The following HERC2 variants were observed in gnomAD, a reference collection of about 807,000 sequenced individuals.
The protein encoded by HERC2 is E3 ubiquitin-protein ligase HERC2.
In HERC2, 102 loss-of-function variants were observed where a neutral mutation model predicts 537.7. That is an observed-to-expected ratio of 0.19 (90% CI 0.16 to 0.22). The LOEUF is 0.22. Among genes scored for constraint, HERC2 ranks in the 10% least tolerant of loss-of-function variants. HERC2 has a pLI of 1.00. For missense variants in HERC2, 4,236 were observed against 6,198.2 expected (o/e 0.68, Z 10.63); for synonymous variants, 2,224 against 2,466.2 (o/e 0.90, Z 2.91).
intron 70 of HERC2, among the ~76,000 whole-genome samples, chr15:28,147,451 T>C (rs1432563571): frequency 7.2e-6 from 1 of 139,696 alleles, no homozygotes; most frequent in Non-Finnish European, 1.6e-5. Flanking sequence ...CAACAGGCTA[T>C]ATATTTTATT....
Position 28,256,070 on chromosome 15 carries a change from G to A in HERC2, c.2746+19C>T, listed in dbSNP as rs775069543. 9 of 1,603,880 alleles carry A rather than the reference G, an allele frequency of 5.6e-6. No individual in the cohort carries two copies. Among genetic ancestry groups the A allele is most frequent in the Non-Finnish European group, 7.6e-6 (9 of 1,178,952 alleles). On this transcript the variant is annotated intron_variant, in intron 18 of 92. Coordinates refer to ENST00000261609, the MANE Select transcript of HERC2 (RefSeq NM_004667.6). ...AACACCCTGACCCATGCCCTCTCCT[G>A]TTCCTTCCCCAGGCCCACCTGCGCA...
At chr15:28,296,101 G>A (rs960786627) in intron 3 of HERC2, among the ~76,000 whole-genome samples, 10 of 152,034 alleles carry the variant, frequency 6.6e-5, no homozygotes, top group Admixed American at 3.3e-4. Context: ...CTAACACCCC[G>A]AATCAGTTGG....
chr15:28,162,970 C>T lies in HERC2; in HGVS notation c.10746+124G>A, dbSNP rs191369623. 8.4e-5 allele frequency: 65 copies of T among 773,136 alleles called. No homozygotes were observed. The African/African-American group carries it at 9.3e-4, about 11-fold the overall frequency. The allele number at this position is 773,136 out of a possible 1,614,324, so 47.9% of individuals were successfully genotyped here. A position where few individuals can be genotyped will look rare whatever the true frequency, so the allele number is the denominator to read the frequency against. The stretch of plus-strand genomic sequence containing the variant: ...GCTCTAAAGGAGTGCTCCTAACCTG[C>T]AGTCTACTAGGATGAAACCCAGCAC... On this transcript the variant is annotated intron_variant, in intron 69 of 92. Transcript: ENST00000261609.
In HERC2 at chr15:28,319,387, C is replaced by T. The variant is rs1434444889; in HGVS notation, c.72+1975G>A. Among the ~76,000 whole-genome samples, 36 of 151,390 alleles carry T rather than the reference C, an allele frequency of 2.4e-4. No homozygotes were observed. The South Asian group carries it at 7.1e-3, about 30-fold the overall frequency. ...GATCGCTTTGAGGTCAGGAGACCAG[C>T]CAGGCCAACACAGTGAAACCCCATC... is the stretch of plus-strand genomic sequence containing the variant. On this transcript the variant is annotated intron_variant, in intron 2 of 92. Coordinates refer to ENST00000261609, the MANE Select transcript of HERC2 (RefSeq NM_004667.6).
chr15:28,301,142 C>T (rs1280014343), intron 2 of HERC2, among the ~76,000 whole-genome samples: 6 of 151,870 alleles, frequency 4.0e-5, no homozygotes, highest in Middle Eastern at 3.4e-3. Flanking sequence ...TGGCCAGGTG[C>T]GGTGGCTCAC....
chr15:28,238,663 G>A lies in HERC2; in HGVS notation c.3687C>T (p.Asp1229=), dbSNP rs149204675. ...AGTCCTTTATATCATACACCTTCCC[G>A]TCAATCACAGTCCAGAAGCCTCCAT... ...NKDGGFWTVI[D]GKVYDIKDFQ... is the part of the protein sequence containing the mutation. Residue 1229 remains aspartate, a synonymous_variant, in exon 24 of 93, where the codon GAC becomes GAT. Coordinates refer to ENST00000261609, the MANE Select transcript of HERC2 (RefSeq NM_004667.6). 3.1e-3 allele frequency: 4,973 copies of A among 1,611,184 alleles called. 16 individuals are homozygous for A. Among genetic ancestry groups the A allele is most frequent in the South Asian group, 5.0e-3 (457 of 90,964 alleles).
chr15:28,254,187 G>A (rs1388599349), intron 20 of HERC2, among the ~76,000 whole-genome samples, 153 bp downstream of exon 20: 1 of 152,172 alleles, frequency 6.6e-6, no homozygotes, highest in African/African-American at 2.4e-5. Context: ...AGAGGCTGAG[G>A]CAAGAGAATC....
At chr15:28,301,731 A>ATT (rs2076632506) in intron 2 of HERC2, among the ~76,000 whole-genome samples, 1 of 21,566 alleles carries the variant, frequency 4.6e-5, no homozygotes. Flanking sequence ...AGTTGTATGT[A>ATT]TGTGTATATA....
chr15:28,297,831 A>T (rs1418929183), intron 3 of HERC2, among the ~76,000 whole-genome samples: 1 of 148,978 alleles, frequency 6.7e-6, no homozygotes, highest in Non-Finnish European at 1.5e-5. Context: ...ATTATATACA[A>T]ATTTTACCTG....
intron 12 of HERC2, among the ~76,000 whole-genome samples, chr15:28,266,628 G>GGATCTCAAGCA (rs1188538322): frequency 6.6e-6 from 1 of 152,186 alleles, no homozygotes; most frequent in Non-Finnish European, 1.5e-5. Context: ...CAACATGGCT[G>GGATCTCAAGCA]GATCTCAAGA....
intron 88 of HERC2, 60 bp from the exon 89 acceptor site, chr15:28,115,601 T>G: frequency 8.2e-7 from 1 of 1,226,618 alleles, no homozygotes; most frequent in South Asian, 1.3e-5. Flanking sequence ...AACTTCCCGC[T>G]CACTCACACA....
rs572061785 is a variant in HERC2, at chr15:28,210,954, T to C, written c.7069+48A>G. Reference sequence around the variant, plus strand: ...CTGATTATTCACTTCCTTTGTCTACTTTCTACTGCCCTTCTTATAAAGATT... The same window carrying C: ...CTGATTATTCACTTCCTTTGTCTACCTTCTACTGCCCTTCTTATAAAGATT... On this transcript the variant is annotated intron_variant, in intron 44 of 92. Coordinates refer to ENST00000261609, the MANE Select transcript of HERC2 (RefSeq NM_004667.6). 54 of 949,226 alleles carry C rather than the reference T, an allele frequency of 5.7e-5. No individual in the cohort carries two copies. In the African/African-American group the frequency reaches 7.9e-4, roughly 14 times the overall value. 58.8% of individuals were successfully genotyped at this position (949,226 alleles called of 1,614,324 possible).
chr15:28,299,781 G>A (rs1017246316), intron 2 of HERC2, among the ~76,000 whole-genome samples: 2 of 152,128 alleles, frequency 1.3e-5, no homozygotes, highest in African/African-American at 4.8e-5. Context: ...GTCGGGCGAG[G>A]TGGCTCATGC....
chr15:28,218,667 G>A lies in HERC2; in HGVS notation c.5850C>T (p.Ala1950=), dbSNP rs192403364. Residue 1950 remains alanine, a synonymous_variant, in exon 38 of 93, where the codon GCC becomes GCT. Transcript: ENST00000261609. ...EDSDTEDDSE[A]EQTERNIHPT... is the part of the protein sequence containing the mutation. Reference sequence around the variant, plus strand: ...GGTGAATGTTCCTTTCAGTTTGTTCGGCTTCTAAAAAAAATAATCAAAATT... The same window carrying A: ...GGTGAATGTTCCTTTCAGTTTGTTCAGCTTCTAAAAAAAATAATCAAAATT... 86 of 1,580,002 alleles carry A rather than the reference G, an allele frequency of 5.4e-5. No homozygotes were observed. In the East Asian group the frequency reaches 1.2e-3, roughly 22 times the overall value.
At chr15:28,131,179 G>A (rs1890070889) in intron 81 of HERC2, among the ~76,000 whole-genome samples, 1 of 152,178 alleles carries the variant, frequency 6.6e-6, no homozygotes, top group African/African-American at 2.4e-5. Context: ...CTCTAAATGA[G>A]ACAATGTGGT....
chr15:28,167,692 T>C lies in HERC2; in HGVS notation c.10549A>G (p.Lys3517Glu). 1 of 1,614,128 alleles carries C rather than the reference T, an allele frequency of 6.2e-7. No homozygotes were observed. The highest frequency in any genetic ancestry group is 8.5e-7 in the Non-Finnish European group (1 of 1,180,008). The change falls in exon 68 of 93, where the codon AAA becomes GAA. Residue 3517 changes from lysine to glutamate, a missense_variant. Lys to Glu is a moderately conservative substitution (Grantham distance 56). Transcript: ENST00000261609. The stretch of plus-strand genomic sequence containing the variant: ...AAAGAAGAACGCCTCTTCACCTCTT[T>C]GGTTTTGGTCATGGTTTCTGCAATG... Reference protein sequence around the residue: ...SIIAETMTKTKEDVESQNKAA... With the variant: ...SIIAETMTKTEEDVESQNKAA...
chr15:28,175,930 C>T (rs1403415014), intron 63 of HERC2, among the ~76,000 whole-genome samples: 2 of 152,212 alleles, frequency 1.3e-5, no homozygotes, highest in South Asian at 2.1e-4. Flanking sequence ...ATAAGACACA[C>T]TACTGCAAAC....
At chr15:28,205,285 C>CTGCAGGGAGCACGTGCAGCGCCCCACG (rs11268055) in intron 45 of HERC2, among the ~76,000 whole-genome samples, 1 of 15,464 alleles carries the variant, frequency 6.5e-5, no homozygotes, top group Non-Finnish European at 1.5e-4. Context: ...CCCAGCATGA[C>CTGCAGGGAGCACGTGCAGCGCCCCACG]TGCTCTCAAG....
At position 28,265,316 on chromosome 15, in the gene HERC2, T is replaced by C. The variant is rs1192464646; in HGVS notation, c.1870+302A>G. Among the ~76,000 whole-genome samples the C allele has an allele frequency of 6.6e-6, 1 of 152,162 alleles. No homozygotes were observed. The highest frequency in any genetic ancestry group is 1.5e-5 in the Non-Finnish European group (1 of 68,040). Reference sequence around the variant, plus strand: ...CAGGGAATCAAGAGTGGCCGAACGTTAAGAAATGTAATAATACTAACCAGA... The same window carrying C: ...CAGGGAATCAAGAGTGGCCGAACGTCAAGAAATGTAATAATACTAACCAGA... On this transcript the variant is annotated intron_variant, in intron 14 of 92. Transcript: ENST00000261609. The surrounding 1 kb of genome is among the most constrained non-coding windows in gnomAD (Gnocchi z 4.0).
Sources: allele counts gnomAD v4.1 joint callset (sites outside exome capture counted in the v4.1 genomes callset), GRCh38; gene constraint gnomAD v4.1.1; non-coding constraint Gnocchi (gnomAD v3.1); transcripts MANE v1.5; gene names NCBI Gene and HGNC (gene_info 2026-07-23, HGNC 2026-07-21).